Variants in ACER3 observed in about 807,000 individuals in gnomAD.
The protein encoded by ACER3 is alkaline ceramidase 3, also known as alkCDase 3.
ACER3 carries 16 observed loss-of-function variants against 48.9 expected under a neutral mutation model. That is an observed-to-expected ratio of 0.33 (90% confidence interval 0.22 to 0.50). The LOEUF is 0.50. Among genes scored for constraint, ACER3 ranks in the 20% least tolerant of loss-of-function variants. The pLI is 0.98. For synonymous variants in ACER3, 109 were observed against 107.8 expected, an observed-to-expected ratio of 1.01 and a Z score of -0.07; for missense variants, 227 against 326.0, an observed-to-expected ratio of 0.70 and a Z score of 2.34.
intron 1 of ACER3, among the ~76,000 whole-genome samples, chr11:76,873,626 A>C (rs1475526608): frequency 1.3e-5 from 2 of 152,204 alleles, no homozygotes; most frequent in African/African-American, 4.8e-5. Context: ...TAGCAGCTAG[A>C]GCTTAGTAGG....
At chr11:76,869,249 C>A (rs565458111) in intron 1 of ACER3, among the ~76,000 whole-genome samples, 55 of 152,308 alleles carry the variant, frequency 3.6e-4, no homozygotes, top group African/African-American at 1.3e-3. Context: ...GGTTTCCCCA[C>A]ACACACTTGG....
In ACER3 at chr11:76,998,744, A is replaced by G. The variant is rs1555019142; in HGVS notation, c.439-19A>G. On this transcript the variant is annotated intron_variant, in intron 6 of 10. Transcript: ENST00000532485. ...AAACAATAATGATTGTACTAACCTCATTTTCCGTTCCTATTTAGGTCATGT... is the reference window on the plus strand; with the variant it reads ...AAACAATAATGATTGTACTAACCTCGTTTTCCGTTCCTATTTAGGTCATGT... 1 of 1,576,256 alleles carries G rather than the reference A, an allele frequency of 6.3e-7. No homozygotes were observed.
chr11:76,968,859 A>G (rs1293753218), intron 3 of ACER3, among the ~76,000 whole-genome samples: 2 of 152,222 alleles, frequency 1.3e-5, no homozygotes, highest in African/African-American at 4.8e-5. Context: ...AACCTAGGCA[A>G]TACCATTCAG....
intron 8 of ACER3, among the ~76,000 whole-genome samples, chr11:77,016,311 G>A (rs1317467987): frequency 6.6e-6 from 1 of 152,038 alleles, no homozygotes; most frequent in Non-Finnish European, 1.5e-5. Context: ...ATGATATTAA[G>A]GGAGTATTAT....
chr11:76,868,506 A>G (rs1240278416), intron 1 of ACER3, among the ~76,000 whole-genome samples: 4 of 151,020 alleles, frequency 2.6e-5, no homozygotes, highest in Admixed American at 6.6e-5. Flanking sequence ...GGGGCACTGT[A>G]GGCCTCAAAA....
intron 2 of ACER3, among the ~76,000 whole-genome samples, chr11:76,948,223 G>A (rs879886110): frequency 0.029 from 4,099 of 139,264 alleles, 122 homozygotes; most frequent in African/African-American, 0.082. Flanking sequence ...GTGTGTGTGT[G>A]TGTGTGTGTG....
intron 1 of ACER3, among the ~76,000 whole-genome samples, chr11:76,918,963 A>C (rs1398988400): frequency 8.0e-6 from 1 of 124,736 alleles, no homozygotes; most frequent in Non-Finnish European, 1.9e-5. Flanking sequence ...CATAATCAGT[A>C]AAATATTTGG....
chr11:76,932,342 C>G (rs1429822257), intron 2 of ACER3, among the ~76,000 whole-genome samples: 2 of 152,036 alleles, frequency 1.3e-5, no homozygotes, highest in Admixed American at 1.3e-4. Context: ...TCTAATTATC[C>G]CAAAACTGTA....
intron 4 of ACER3, among the ~76,000 whole-genome samples, chr11:76,984,150 G>A (rs1948642351): frequency 6.6e-6 from 1 of 152,040 alleles, no homozygotes; most frequent in South Asian, 2.1e-4. Context: ...ACATGTACTG[G>A]AAAACCTCCT....
At chr11:76,951,983 T>C (rs1375659315) in intron 2 of ACER3, among the ~76,000 whole-genome samples, 2 of 152,138 alleles carry the variant, frequency 1.3e-5, no homozygotes, top group Non-Finnish European at 2.9e-5. Context: ...GGATGCTTTG[T>C]ATAGTAGACT....
chr11:76,904,130 G>T (rs1946154866), intron 1 of ACER3, among the ~76,000 whole-genome samples: 1 of 152,080 alleles, frequency 6.6e-6, no homozygotes, highest in South Asian at 2.1e-4. Context: ...AGGATTAGGG[G>T]CACACACCAC....
rs1409878128 is a variant in ACER3, at chr11:76,976,359, T to C, written c.320+18T>C. The C allele has an allele frequency of 4.0e-6, 6 of 1,496,470 alleles. No individual in the cohort carries two copies. 92.7% of individuals were successfully genotyped at this position (1,496,470 alleles called of 1,614,324 possible). A position where few individuals can be genotyped will look rare whatever the true frequency, so the allele number is the denominator to read the frequency against. ...TACTGCATGTAAGTACTTTTAAAATTTCATTGTTTGATTTATTTTTAAATT... is the reference window on the plus strand; with the variant it reads ...TACTGCATGTAAGTACTTTTAAAATCTCATTGTTTGATTTATTTTTAAATT... On this transcript the variant is annotated intron_variant, in intron 4 of 10. Transcript: ENST00000532485.
chr11:76,949,753 A>G (rs554563551), intron 2 of ACER3, among the ~76,000 whole-genome samples: 8 of 152,184 alleles, frequency 5.3e-5, no homozygotes, highest in Non-Finnish European at 8.8e-5. Context: ...AAACTGTTCT[A>G]TGGTGCTAAA....
chr11:76,899,362 A>C (rs1053300069), intron 1 of ACER3, among the ~76,000 whole-genome samples: 3 of 152,182 alleles, frequency 2.0e-5, no homozygotes, highest in African/African-American at 7.2e-5. Context: ...CTGACATTTT[A>C]TTAGTTTTTC....
At chr11:76,906,726 T>C (rs1200674692) in intron 1 of ACER3, among the ~76,000 whole-genome samples, 1 of 152,138 alleles carries the variant, frequency 6.6e-6, no homozygotes, top group Non-Finnish European at 1.5e-5. Context: ...TATTTTATTT[T>C]ATTTTTATTT....
intron 7 of ACER3, among the ~76,000 whole-genome samples, chr11:77,008,831 G>T (rs1467779033): frequency 1.3e-5 from 2 of 152,160 alleles, no homozygotes. Flanking sequence ...CAAGGCAGGA[G>T]GATTACTTGA....
At chr11:76,877,751 T>G (rs576842178) in intron 1 of ACER3, among the ~76,000 whole-genome samples, 1 of 152,248 alleles carries the variant, frequency 6.6e-6, no homozygotes, top group South Asian at 2.1e-4. Flanking sequence ...ACCCTCTGTG[T>G]CCTTCCCTGA....
At chr11:76,871,727 A>G (rs2134526615) in intron 1 of ACER3, among the ~76,000 whole-genome samples, 1 of 152,352 alleles carries the variant, frequency 6.6e-6, no homozygotes, top group Middle Eastern at 3.4e-3. Flanking sequence ...CTTCAGGATC[A>G]GAAAACGAGC....
At chr11:76,877,234 C>A (rs1038451492) in intron 1 of ACER3, among the ~76,000 whole-genome samples, 1 of 152,100 alleles carries the variant, frequency 6.6e-6, no homozygotes, top group Non-Finnish European at 1.5e-5. Context: ...GAAAAAAAAT[C>A]TTTGACTCAT....
Sources: gnomAD v4.1 joint callset for allele counts (sites outside exome capture counted in the v4.1 genomes callset) on GRCh38, gnomAD v4.1.1 for gene constraint, MANE v1.5 for transcripts, NCBI Gene and HGNC (gene_info 2026-07-23, HGNC 2026-07-21) for gene names.